Variants in SLC4A8 observed in about 807,000 individuals in gnomAD.
SLC4A8 encodes solute carrier family 4 member 8.
In SLC4A8, 40 loss-of-function variants were observed where a neutral mutation model predicts 125.0. The observed-to-expected ratio is 0.32, with a 90% CI of 0.25 to 0.42. SLC4A8 has a LOEUF of 0.42. Among genes scored for constraint, SLC4A8 ranks in the 10% least tolerant of loss-of-function variants. SLC4A8 has a pLI of 1.00. For missense variants in SLC4A8, 863 were observed against 1,355.1 expected (o/e 0.64, Z 5.70); for synonymous variants, 456 against 476.0 (o/e 0.96, Z 0.55).
At chr12:51,447,036 G>C (rs565459595) in intron 2 of SLC4A8, among the ~76,000 whole-genome samples, 2 of 119,304 alleles carry the variant, frequency 1.7e-5, no homozygotes, top group African/African-American at 6.0e-5. Context: ...CTGCCTGCCT[G>C]CCTGTCTGTC....
At chr12:51,486,160 G>A (rs1410275617) in intron 17 of SLC4A8, among the ~76,000 whole-genome samples, 2 of 152,030 alleles carry the variant, frequency 1.3e-5, no homozygotes, top group African/African-American at 4.8e-5. Context: ...ACCACTTACT[G>A]TTCTTAATAT....
At chr12:51,396,762 T>C (rs1013834890) in intron 1 of SLC4A8, among the ~76,000 whole-genome samples, 14 of 151,974 alleles carry the variant, frequency 9.2e-5, no homozygotes, top group South Asian at 4.2e-4. Flanking sequence ...CTCATACATA[T>C]TTTTCTGTAT....
At position 51,488,717 on chromosome 12, in the gene SLC4A8, G is replaced by A. The variant is rs776136982; in HGVS notation, c.2305G>A (p.Gly769Arg). 19 of 1,613,374 alleles carry A rather than the reference G, an allele frequency of 1.2e-5. No homozygotes were observed. The highest frequency in any genetic ancestry group is 4.5e-5 in the East Asian group (2 of 44,884). Residue 769 changes from glycine (G) to arginine (R), a missense_variant, in exon 18 of 25, where the codon GGA (glycine) becomes AGA (arginine). By Grantham distance (125) the Gly-to-Arg change is moderately radical. Coordinates refer to ENST00000453097, the MANE Select transcript of SLC4A8 (RefSeq NM_001039960.3). ...SVFKPTRDDR[G>R]WIINPIGPNP... ...CCCTTAGCCAACAAGGGATGATCGC[G>A]GATGGATTATTAATCCCATTGGCCC...
At chr12:51,498,106 G>C (rs956039063) in intron 22 of SLC4A8, among the ~76,000 whole-genome samples, 1 of 150,940 alleles carries the variant, frequency 6.6e-6, no homozygotes, top group Non-Finnish European at 1.5e-5. Context: ...TAAAAATCTT[G>C]TATTTCTAAA....
chr12:51,512,281 TG>T lies in SLC4A8; in HGVS notation c.*4845del, dbSNP rs1938392450. The T allele has an allele frequency of 1.3e-5, 2 of 152,246 alleles. No homozygotes were observed. The highest frequency in any genetic ancestry group is 4.8e-5 in the African/African-American group (2 of 41,452). The allele number at this position is 152,246 out of a possible 1,614,324, so 9.4% of individuals were successfully genotyped here. Reference sequence around the variant, plus strand: ...GGGGCGTGGCACCTGTGACTTGCACTGGAATAAGTAGGAGGCTTTCCCCAAA... The same window carrying T: ...GGGGCGTGGCACCTGTGACTTGCACTGAATAAGTAGGAGGCTTTCCCCAAA... On this transcript the variant is annotated 3_prime_UTR_variant, in exon 25 of 25. Transcript: ENST00000453097.
chr12:51,407,962 T>G (rs947466778), intron 1 of SLC4A8: 12 of 152,538 alleles, frequency 7.9e-5, no homozygotes, highest in African/African-American at 2.9e-4. Context: ...ATTTTTTGTG[T>G]TCCTTGGCCT....
chr12:51,398,813 G>T (rs1948316477), intron 1 of SLC4A8, among the ~76,000 whole-genome samples: 2 of 152,192 alleles, frequency 1.3e-5, no homozygotes, highest in Non-Finnish European at 2.9e-5. Flanking sequence ...GCAGTGGCCT[G>T]ATCTCGGCTC....
intron 24 of SLC4A8, among the ~76,000 whole-genome samples, 159 bp from the exon 25 acceptor site, chr12:51,507,267 A>G (rs980547579): frequency 4.6e-5 from 7 of 152,268 alleles, no homozygotes; most frequent in Non-Finnish European, 7.3e-5. Flanking sequence ...GTCGAAATGT[A>G]TAACGCACAT....
intron 17 of SLC4A8, 95 bp from the exon 18 acceptor site, chr12:51,488,604 A>C (rs1951221943): frequency 2.1e-6 from 2 of 936,836 alleles, no homozygotes; most frequent in South Asian, 4.9e-5. Flanking sequence ...CTCACTCAAG[A>C]ATAAAAAGAA....
At chr12:51,391,966 C>G (rs1450642219) in intron 1 of SLC4A8, 2 of 152,522 alleles carry the variant, frequency 1.3e-5, no homozygotes, top group Non-Finnish European at 2.9e-5. Flanking sequence ...GTGCTGCGCG[C>G]CAGCCTGGAG....
At chr12:51,461,669 G>A (rs1400978643) in intron 9 of SLC4A8, 4 of 214,016 alleles carry the variant, frequency 1.9e-5, no homozygotes, top group Non-Finnish European at 3.8e-5. Context: ...AATGAGACCA[G>A]TTTGTATAAG....
Position 51,489,625 on chromosome 12 carries a change from A to G in SLC4A8, c.2449-75A>G, listed in dbSNP as rs1423559686. Reference sequence around the variant, plus strand: ...TACACCCCTTCATGCTTTGGGCCTGAGACCCGTAGCTCACTGTTCTATGCC... The same window carrying G: ...TACACCCCTTCATGCTTTGGGCCTGGGACCCGTAGCTCACTGTTCTATGCC... On this transcript the variant is annotated intron_variant, in intron 18 of 24. Coordinates refer to ENST00000453097, the MANE Select transcript of SLC4A8 (RefSeq NM_001039960.3). The G allele has an allele frequency of 1.9e-6, 3 of 1,575,594 alleles. No individual in the cohort carries two copies. In the East Asian group the frequency reaches 6.7e-5, roughly 35 times the overall value.
rs568382769 is a variant in SLC4A8 at position 51,404,680 on chromosome 12, C to T, written c.-112+13192C>T. 9.2e-5 allele frequency among the ~76,000 whole-genome samples: 14 copies of T among 152,270 alleles called. No homozygotes were observed. The South Asian group carries it at 1.5e-3, about 16-fold the overall frequency. On this transcript the variant is annotated intron_variant, in intron 1 of 24. Coordinates refer to the SLC4A8 transcript ENST00000358657. Reference sequence around the variant, plus strand: ...AGAGTCAACTTGACCGTGAAGCCAACGCTGAGAAAGCAGAGAAAGATAAAG... The same window carrying T: ...AGAGTCAACTTGACCGTGAAGCCAATGCTGAGAAAGCAGAGAAAGATAAAG...
intron 16 of SLC4A8, among the ~76,000 whole-genome samples, chr12:51,477,765 T>C (rs977930996): frequency 1.3e-5 from 2 of 152,216 alleles, no homozygotes; most frequent in Non-Finnish European, 2.9e-5. Flanking sequence ...CATTTTTCCA[T>C]GTATCGCCTC....
chr12:51,449,250 C>A (rs911895228), intron 2 of SLC4A8, among the ~76,000 whole-genome samples: 3 of 151,986 alleles, frequency 2.0e-5, no homozygotes, highest in Admixed American at 2.0e-4. Context: ...CAAGCCTGGG[C>A]AACATGGCAG....
At chr12:51,397,382 A>AT (rs1948284564) in intron 1 of SLC4A8, among the ~76,000 whole-genome samples, 1 of 152,138 alleles carries the variant, frequency 6.6e-6, no homozygotes, top group South Asian at 2.1e-4. Context: ...AGGAGCTTGT[A>AT]TTTTTCCTTT....
At chr12:51,419,619 G>C (rs1215218454) in intron 1 of SLC4A8, among the ~76,000 whole-genome samples, 2 of 152,096 alleles carry the variant, frequency 1.3e-5, no homozygotes, top group Non-Finnish European at 2.9e-5. Context: ...TCTCCTCCAG[G>C]GCCTATTCTT....
intron 16 of SLC4A8, among the ~76,000 whole-genome samples, chr12:51,478,657 G>C (rs1294192428): frequency 1.3e-5 from 2 of 152,174 alleles, no homozygotes; most frequent in African/African-American, 2.4e-5. Context: ...TCAGTCGAAT[G>C]AAACAGGATT....
At position 51,462,252 on chromosome 12, in the gene SLC4A8, G is replaced by T. The variant is rs540355588; in HGVS notation, c.1102-58G>T. The stretch of plus-strand genomic sequence containing the variant: ...TATTCATTTTTCACCATATCCATTG[G>T]TGATTGTTTCATGTAAAGTTACTTT... On this transcript the variant is annotated intron_variant, in intron 9 of 24. Coordinates refer to ENST00000453097, the MANE Select transcript of SLC4A8 (RefSeq NM_001039960.3). 6.1e-6 allele frequency: 9 copies of T among 1,486,312 alleles called. No individual in the cohort carries two copies. The Admixed American group carries it at 1.2e-4, about 19-fold the overall frequency. The allele number at this position is 1,486,312 out of a possible 1,614,324, so 92.1% of individuals were successfully genotyped here.
Sources: allele counts gnomAD v4.1 joint callset (sites outside exome capture counted in the v4.1 genomes callset), GRCh38; gene constraint gnomAD v4.1.1; transcripts MANE v1.5; gene names NCBI Gene and HGNC (gene_info 2026-07-23, HGNC 2026-07-21).